The following VWC2 variants were observed in gnomAD, a reference collection of about 807,000 sequenced individuals.
The protein encoded by VWC2 is von Willebrand factor C domain containing 2, also known as brorin.
In VWC2, 14 loss-of-function variants were observed where a neutral mutation model predicts 29.8. The ratio of observed to expected loss-of-function variants is 0.47; its 90% CI spans 0.31 to 0.74. VWC2 has a LOEUF of 0.74. Among genes scored for constraint, VWC2 ranks in the 30% least tolerant of loss-of-function variants. The probability of loss-of-function intolerance (pLI) is 0.05; values close to 1 mark genes in which losing one functional copy is unlikely to be tolerated. For missense variants in VWC2, 457 were observed against 459.8 expected (o/e 0.99, Z 0.05); for synonymous variants, 213 against 199.0 (o/e 1.07, Z -0.59).
At chr7:49,882,299 C>T (rs989099133) in intron 3 of VWC2, among the ~76,000 whole-genome samples, 2 of 152,036 alleles carry the variant, frequency 1.3e-5, no homozygotes, top group Non-Finnish European at 2.9e-5. Context: ...TTCTGCTAAG[C>T]CTTCCTCACT....
rs1483543611 is a variant in VWC2, at chr7:49,918,250, T to A, written c.*6065T>A. ...AGATTCAGTCTAGTGAATGAGAGGCTGAGTTAAGAATCCAAATCTGCTTTA... is the reference window on the plus strand; with the variant it reads ...AGATTCAGTCTAGTGAATGAGAGGCAGAGTTAAGAATCCAAATCTGCTTTA... On this transcript the variant is annotated 3_prime_UTR_variant, in exon 4 of 4. Transcript: ENST00000340652. 2 of 152,198 alleles carry A rather than the reference T, an allele frequency of 1.3e-5. No homozygotes were observed. Among genetic ancestry groups the A allele is most frequent in the Non-Finnish European group, 2.9e-5 (2 of 68,034 alleles). The allele number at this position is 152,198 out of a possible 1,614,324, so 9.4% of individuals were successfully genotyped here.
chr7:49,811,815 T>A (rs1024616859), intron 3 of VWC2, among the ~76,000 whole-genome samples: 2 of 152,228 alleles, frequency 1.3e-5, no homozygotes, highest in Non-Finnish European at 2.9e-5. Flanking sequence ...TGAGATTATA[T>A]CCCAGCAAAA....
At chr7:49,789,243 G>A (rs900156594) in intron 2 of VWC2, among the ~76,000 whole-genome samples, 4 of 148,702 alleles carry the variant, frequency 2.7e-5, no homozygotes, top group Non-Finnish European at 4.5e-5. Flanking sequence ...GTGAAAGAGT[G>A]TAGGTGTGGG....
In VWC2 at chr7:49,775,386, G is replaced by A; in HGVS notation, c.-50G>A. ...CGCCCCCGGGCTGTGAATGCGACTC[G>A]CCCCTCGGCCGCGCTCCCCGCCCGC... On this transcript the variant is annotated 5_prime_UTR_variant, in exon 2 of 4. Coordinates refer to ENST00000340652, the MANE Select transcript of VWC2 (RefSeq NM_198570.5). The A allele has an allele frequency of 7.6e-7, 1 of 1,317,470 alleles. No homozygotes were observed. The allele number at this position is 1,317,470 out of a possible 1,614,324, so 81.6% of individuals were successfully genotyped here. A position where few individuals can be genotyped will look rare whatever the true frequency, so the allele number is the denominator to read the frequency against.
At chr7:49,789,683 A>G (rs1317808349) in intron 2 of VWC2, among the ~76,000 whole-genome samples, 3 of 152,246 alleles carry the variant, frequency 2.0e-5, no homozygotes, top group South Asian at 2.1e-4. Context: ...TGATCTTCCA[A>G]TGTTTTTAAA....
At chr7:49,787,905 T>C (rs561227511) in intron 2 of VWC2, among the ~76,000 whole-genome samples, 2 of 152,170 alleles carry the variant, frequency 1.3e-5, no homozygotes, top group Non-Finnish European at 1.5e-5. Flanking sequence ...CAGCAAGGGA[T>C]GACAGATATA....
At chr7:49,837,869 C>G (rs1789699878) in intron 3 of VWC2, among the ~76,000 whole-genome samples, 1 of 152,086 alleles carries the variant, frequency 6.6e-6, no homozygotes, top group African/African-American at 2.4e-5. Context: ...ATTTTGAGAC[C>G]TGAGAGAAAT....
At chr7:49,907,523 C>G (rs1168452054) in intron 3 of VWC2, among the ~76,000 whole-genome samples, 1 of 152,088 alleles carries the variant, frequency 6.6e-6, no homozygotes, top group Non-Finnish European at 1.5e-5. Context: ...AAGAGTCAAA[C>G]TCTGTAAAAT....
At chr7:49,895,292 G>A (rs1223016289) in intron 3 of VWC2, among the ~76,000 whole-genome samples, 1 of 152,090 alleles carries the variant, frequency 6.6e-6, no homozygotes, top group Non-Finnish European at 1.5e-5. Flanking sequence ...CTGCCCTCAT[G>A]ACTTAATCAC....
chr7:49,833,373 C>T (rs891960884), intron 3 of VWC2, among the ~76,000 whole-genome samples: 1 of 152,178 alleles, frequency 6.6e-6, no homozygotes, highest in Non-Finnish European at 1.5e-5. Flanking sequence ...AATGAGCCAG[C>T]ATGTTCTGCC....
At chr7:49,836,989 A>G (rs552522313) in intron 3 of VWC2, among the ~76,000 whole-genome samples, 1 of 152,352 alleles carries the variant, frequency 6.6e-6, no homozygotes, top group South Asian at 2.1e-4. Flanking sequence ...ACTGAAGTAT[A>G]TAGTCACTAA....
intron 2 of VWC2, among the ~76,000 whole-genome samples, chr7:49,787,507 A>G (rs1788325736): frequency 6.6e-6 from 1 of 152,198 alleles, no homozygotes; most frequent in Admixed American, 6.5e-5. Context: ...GTTGACAACT[A>G]TGCTCTGGGG....
intron 3 of VWC2, among the ~76,000 whole-genome samples, chr7:49,883,248 C>A (rs1373704663): frequency 6.6e-6 from 1 of 152,116 alleles, no homozygotes; most frequent in Non-Finnish European, 1.5e-5. Context: ...AGGGAGGCGT[C>A]TTTCCAGAGC....
At chr7:49,842,160 G>A (rs1238776569) in intron 3 of VWC2, among the ~76,000 whole-genome samples, 3 of 152,102 alleles carry the variant, frequency 2.0e-5, no homozygotes, top group South Asian at 2.1e-4. Context: ...GAGCCACCGC[G>A]CCTGGCCAAT....
intron 2 of VWC2, among the ~76,000 whole-genome samples, chr7:49,789,188 T>C (rs11770047): frequency 0.12 from 18,482 of 148,634 alleles, 1,216 homozygotes; most frequent in Middle Eastern, 0.16. Flanking sequence ...TGTGTGTGGG[T>C]GCATGTGTGA....
Position 49,773,882 on chromosome 7 carries a change from G to C in VWC2, c.-335G>C, listed in dbSNP as rs1011554658. 1 of 152,302 alleles carries C rather than the reference G, an allele frequency of 6.6e-6. No individual in the cohort carries two copies. The highest frequency in any genetic ancestry group is 2.4e-5 in the African/African-American group (1 of 41,440). The allele number at this position is 152,302 out of a possible 1,614,324, so 9.4% of individuals were successfully genotyped here. A position where few individuals can be genotyped will look rare whatever the true frequency, so the allele number is the denominator to read the frequency against. On this transcript the variant is annotated 5_prime_UTR_variant, in exon 1 of 4. Coordinates refer to ENST00000340652, the MANE Select transcript of VWC2 (RefSeq NM_198570.5). ...GAGGGCGACGCGGGCACTGACGCGAGTTGGGGCCGCGACTACCGGCAGCTG... is the reference window on the plus strand; with the variant it reads ...GAGGGCGACGCGGGCACTGACGCGACTTGGGGCCGCGACTACCGGCAGCTG...
chr7:49,906,326 A>T (rs572742134), intron 3 of VWC2, among the ~76,000 whole-genome samples: 226 of 152,270 alleles, frequency 1.5e-3, no homozygotes, highest in Middle Eastern at 0.01. Context: ...GTAAATATTA[A>T]CTGTCAAAAA....
At chr7:49,787,092 C>T (rs1377674002) in intron 2 of VWC2, among the ~76,000 whole-genome samples, 1 of 152,126 alleles carries the variant, frequency 6.6e-6, no homozygotes, top group East Asian at 1.9e-4. Context: ...CCACCAAGTT[C>T]TCAGCCACTC....
At chr7:49,892,083 G>C (rs1389819629) in intron 3 of VWC2, among the ~76,000 whole-genome samples, 1 of 118,218 alleles carries the variant, frequency 8.5e-6, no homozygotes, top group Non-Finnish European at 1.6e-5. Context: ...CTCGCTCTGT[G>C]GCCCAGGCGG....
Sources: gnomAD v4.1 joint callset for allele counts (sites outside exome capture counted in the v4.1 genomes callset) on GRCh38, gnomAD v4.1.1 for gene constraint, MANE v1.5 for transcripts, NCBI Gene and HGNC (gene_info 2026-07-23, HGNC 2026-07-21) for gene names.